The following ST8SIA2 variants were observed in gnomAD, a reference collection of about 807,000 sequenced individuals.
ST8SIA2 encodes ST8 alpha-N-acetyl-neuraminide alpha-2,8-sialyltransferase 2.
Under a neutral mutation model 37.6 loss-of-function variants are expected in ST8SIA2, and 22 were observed. The ratio of observed to expected loss-of-function variants is 0.58; its 90% CI spans 0.42 to 0.83. The LOEUF is 0.83. Among genes scored for constraint, ST8SIA2 ranks in the 40% least tolerant of loss-of-function variants. The probability of loss-of-function intolerance (pLI) is 0.00; values close to 1 mark genes in which losing one functional copy is unlikely to be tolerated. For missense variants in ST8SIA2, 382 were observed against 484.7 expected, an observed-to-expected ratio of 0.79 and a Z score of 1.99; for synonymous variants, 205 against 201.2, an observed-to-expected ratio of 1.02 and a Z score of -0.16.
At chr15:92,410,357 A>G (rs2049540066) in intron 1 of ST8SIA2, among the ~76,000 whole-genome samples, 1 of 152,242 alleles carries the variant, frequency 6.6e-6, no homozygotes, top group South Asian at 2.1e-4. Flanking sequence ...GAGGAAGACA[A>G]GCTAATATAC....
intron 3 of ST8SIA2, among the ~76,000 whole-genome samples, chr15:92,434,897 G>A (rs147214274): frequency 1.1e-3 from 155 of 135,428 alleles, no homozygotes; most frequent in Admixed American, 2.5e-3. Flanking sequence ...CATGACACCC[G>A]ACCAGAAAGC....
chr15:92,432,858 A>G (rs1458843026), intron 2 of ST8SIA2, among the ~76,000 whole-genome samples: 1 of 152,180 alleles, frequency 6.6e-6, no homozygotes, highest in East Asian at 1.9e-4. Flanking sequence ...AGGGCCAAGC[A>G]TGGTGGCTCA....
intron 1 of ST8SIA2, among the ~76,000 whole-genome samples, chr15:92,410,813 C>T (rs962637420): frequency 2.6e-5 from 4 of 152,122 alleles, no homozygotes; most frequent in African/African-American, 9.7e-5. Context: ...AGAGGGGGTT[C>T]CCTACCAAGG....
chr15:92,463,567 G>A (rs1249974350), intron 5 of ST8SIA2, among the ~76,000 whole-genome samples: 1 of 152,230 alleles, frequency 6.6e-6, no homozygotes, highest in African/African-American at 2.4e-5. Context: ...AGAGCCAGTG[G>A]TTTCTCAGAG....
intron 1 of ST8SIA2, among the ~76,000 whole-genome samples, chr15:92,415,370 G>C (rs942687455): frequency 6.6e-6 from 1 of 151,896 alleles, no homozygotes; most frequent in African/African-American, 2.4e-5. Context: ...TACCTGGCAC[G>C]GGAGGGGTTT....
At chr15:92,408,678 TTTATTTATTTA>T (rs2049526464) in intron 1 of ST8SIA2, among the ~76,000 whole-genome samples, 2 of 37,094 alleles carry the variant, frequency 5.4e-5, no homozygotes, top group Admixed American at 3.7e-4. Context: ...TTCCATTTTT[TTTATTTATTTA>T]TTTATTTATT....
rs1367617666 is a variant in ST8SIA2 at position 92,434,338 on chromosome 15, A to G, written c.253A>G (p.Lys85Glu). The change falls in exon 3 of 6, where the codon AAA becomes GAA. Residue 85 changes from lysine to glutamate, a missense_variant. Lys to Glu is a moderately conservative substitution (Grantham distance 56, BLOSUM62 1). Transcript: ENST00000268164. ...IKHNIQPASSKWRHNQTLSLR... is the reference protein window; with the variant it reads ...IKHNIQPASSEWRHNQTLSLR... ...GCACAACATCCAGCCAGCCTCGTCC[A>G]AATGGAGACATAACCAGACGCTCTC... 2 of 1,614,124 alleles carry G rather than the reference A, an allele frequency of 1.2e-6. No individual in the cohort carries two copies. The highest frequency in any genetic ancestry group is 2.7e-5 in the African/African-American group (2 of 74,940).
chr15:92,407,913 T>C (rs1438759130), intron 1 of ST8SIA2, among the ~76,000 whole-genome samples: 11 of 152,138 alleles, frequency 7.2e-5, no homozygotes, highest in Non-Finnish European at 1.5e-4. Context: ...ATTAAGTCAA[T>C]AAAGTCTAGT....
At chr15:92,429,072 G>A (rs3825985) in intron 1 of ST8SIA2, among the ~76,000 whole-genome samples, 63,973 of 151,958 alleles carry the variant, frequency 0.42, 14,883 homozygotes, top group East Asian at 0.69. Flanking sequence ...TAATGACAAG[G>A]TTCCTTTCAA....
chr15:92,419,123 G>A (rs1488552473), intron 1 of ST8SIA2, among the ~76,000 whole-genome samples: 1 of 152,140 alleles, frequency 6.6e-6, no homozygotes, highest in Non-Finnish European at 1.5e-5. Flanking sequence ...CACCTCTCCA[G>A]GAAGGAGGGA....
chr15:92,394,726 G>A (rs1434660801), intron 1 of ST8SIA2, among the ~76,000 whole-genome samples: 1 of 152,164 alleles, frequency 6.6e-6, no homozygotes, highest in East Asian at 1.9e-4. Context: ...CGGCCCGGGA[G>A]CCCGGCGTAG....
intron 1 of ST8SIA2, among the ~76,000 whole-genome samples, chr15:92,410,712 C>G (rs1320644926): frequency 6.6e-6 from 1 of 152,206 alleles, no homozygotes; most frequent in Non-Finnish European, 1.5e-5. Context: ...ATTGCCATCC[C>G]TGACCTCCCA....
chr15:92,396,750 A>G (rs1343548067), intron 1 of ST8SIA2, among the ~76,000 whole-genome samples: 1 of 152,138 alleles, frequency 6.6e-6, no homozygotes, highest in African/African-American at 2.4e-5. Flanking sequence ...CAGCCTCCCA[A>G]AGTGCTGGGA....
intron 1 of ST8SIA2, among the ~76,000 whole-genome samples, chr15:92,421,692 G>A (rs983379705): frequency 2.6e-5 from 4 of 152,142 alleles, no homozygotes; most frequent in African/African-American, 7.2e-5. Flanking sequence ...CTCTCTTAAC[G>A]TGCTTCCTTG....
chr15:92,403,807 T>C (rs754131669), intron 1 of ST8SIA2, among the ~76,000 whole-genome samples: 3 of 152,220 alleles, frequency 2.0e-5, no homozygotes, highest in Non-Finnish European at 4.4e-5. Context: ...TGACTTTAGG[T>C]GGACTCAGGA....
chr15:92,427,342 A>G (rs1052152007), intron 1 of ST8SIA2, among the ~76,000 whole-genome samples: 2 of 151,846 alleles, frequency 1.3e-5, no homozygotes, highest in Admixed American at 1.3e-4. Context: ...GGGACTATAT[A>G]TATCTAGCTT....
chr15:92,461,195 T>C (rs987922478), intron 5 of ST8SIA2, among the ~76,000 whole-genome samples: 12 of 152,182 alleles, frequency 7.9e-5, no homozygotes, highest in South Asian at 4.1e-4. Context: ...GCACCAGTTC[T>C]GTACGTGGCC....
chr15:92,443,365 AGGCC>A (rs2049816854), intron 4 of ST8SIA2, among the ~76,000 whole-genome samples: 2 of 152,194 alleles, frequency 1.3e-5, no homozygotes, highest in Non-Finnish European at 2.9e-5. Flanking sequence ...GTGCACACCC[AGGCC>A]GGGTCTCCCA....
At chr15:92,448,152 C>T (rs550830112) in intron 5 of ST8SIA2, among the ~76,000 whole-genome samples, 1 of 152,330 alleles carries the variant, frequency 6.6e-6, no homozygotes, top group Non-Finnish European at 1.5e-5. Flanking sequence ...GCTGTTCATC[C>T]TGAGACTGCA....
Sources: gnomAD v4.1 joint callset for allele counts (sites outside exome capture counted in the v4.1 genomes callset) on GRCh38, gnomAD v4.1.1 for gene constraint, MANE v1.5 for transcripts, NCBI Gene and HGNC (gene_info 2026-07-23, HGNC 2026-07-21) for gene names.